The following NDST3 variants were observed in gnomAD, a reference collection of about 807,000 sequenced individuals.
NDST3 encodes the protein bifunctional heparan sulfate N-deacetylase/N-sulfotransferase 3.
In NDST3, 58 loss-of-function variants were observed where a neutral mutation model predicts 96.1. The ratio of observed to expected loss-of-function variants is 0.60; its 90% confidence interval spans 0.49 to 0.75. The LOEUF (loss-of-function observed/expected upper bound fraction) is 0.75. Ranked by LOEUF, NDST3 falls within the 30% of genes least tolerant of loss-of-function variation. The probability of loss-of-function intolerance (pLI) is 0.00; values close to 1 mark genes in which losing one functional copy is unlikely to be tolerated. For missense variants in NDST3, 788 were observed against 1,034.2 expected, an observed-to-expected ratio of 0.76 and a Z score of 3.27; for synonymous variants, 333 against 359.7, an observed-to-expected ratio of 0.93 and a Z score of 0.84.
At chr4:118,069,832 T>G (rs1344751782) in intron 2 of NDST3, among the ~76,000 whole-genome samples, 4 of 149,894 alleles carry the variant, frequency 2.7e-5, no homozygotes, top group Non-Finnish European at 5.9e-5. Flanking sequence ...ATTTTTCCTC[T>G]TATTTCACAC....
At chr4:118,252,103 A>C (rs1169300229) in intron 12 of NDST3, among the ~76,000 whole-genome samples, 10 of 152,244 alleles carry the variant, frequency 6.6e-5, no homozygotes, top group Non-Finnish European at 1.5e-5. Flanking sequence ...AGGCAAAAGA[A>C]AAACGTTATC....
intron 2 of NDST3, among the ~76,000 whole-genome samples, chr4:118,082,507 T>C (rs908907958): frequency 1.1e-4 from 16 of 152,174 alleles, no homozygotes; most frequent in African/African-American, 3.9e-4. Flanking sequence ...ACTCTAAGCT[T>C]AGGGAAACCA....
chr4:118,103,816 AG>A (rs1177432700), intron 2 of NDST3, among the ~76,000 whole-genome samples: 1 of 152,202 alleles, frequency 6.6e-6, no homozygotes, highest in Non-Finnish European at 1.5e-5. Flanking sequence ...CACACCAAAA[AG>A]CTTGCTTATG....
At chr4:118,115,807 A>G (rs922979022) in intron 4 of NDST3, among the ~76,000 whole-genome samples, 3 of 152,176 alleles carry the variant, frequency 2.0e-5, no homozygotes, top group Admixed American at 2.0e-4. Context: ...TATACAAGAC[A>G]AGGTTAGAAT....
chr4:118,206,835 C>T (rs1043898578), intron 6 of NDST3, among the ~76,000 whole-genome samples: 3 of 143,848 alleles, frequency 2.1e-5, no homozygotes, highest in African/African-American at 7.7e-5. Context: ...ACATTACAAA[C>T]GCACATACCA....
chr4:118,186,417 C>CGT (rs896044841), intron 6 of NDST3, among the ~76,000 whole-genome samples: 6 of 152,072 alleles, frequency 3.9e-5, no homozygotes, highest in Admixed American at 1.3e-4. Context: ...CACAATAGGC[C>CGT]GTCTGCAAGC....
intron 6 of NDST3, among the ~76,000 whole-genome samples, chr4:118,170,228 A>T (rs1735844579): frequency 6.6e-6 from 1 of 152,208 alleles, no homozygotes; most frequent in Admixed American, 6.5e-5. Flanking sequence ...ACAATGAGGC[A>T]GTTGGGGAAA....
rs541382287 is a variant in NDST3, at chr4:118,101,217, G to T, written c.982-3801G>T. Among the ~76,000 whole-genome samples the T allele has an allele frequency of 9.0e-4, 136 of 151,636 alleles. 2 individuals are homozygous for T. Among genetic ancestry groups the T allele is most frequent in the African/African-American group, 3.1e-3 (128 of 41,394 alleles). On this transcript the variant is annotated intron_variant, in intron 2 of 13. Transcript: ENST00000296499. ...TCAATTTCTGCCTCTTCATCTATTT[G>T]ATTTATTCTGCTAACAAAAGTTAGA...
intron 2 of NDST3, among the ~76,000 whole-genome samples, chr4:118,097,651 G>A (rs955642672): frequency 6.6e-6 from 1 of 151,794 alleles, no homozygotes; most frequent in Non-Finnish European, 1.5e-5. Flanking sequence ...AGCACTGATA[G>A]GAAATGCTTT....
chr4:118,044,917 C>G (rs1724674755), intron 1 of NDST3, among the ~76,000 whole-genome samples: 1 of 152,022 alleles, frequency 6.6e-6, no homozygotes, highest in Admixed American at 6.6e-5. Context: ...TTCATGAGGG[C>G]AGACCCCTCA....
At chr4:118,115,440 A>G (rs945846207) in intron 4 of NDST3, among the ~76,000 whole-genome samples, 3 of 152,198 alleles carry the variant, frequency 2.0e-5, no homozygotes, top group African/African-American at 7.2e-5. Context: ...ATAAGAATAA[A>G]TCTTCGGGAT....
intron 2 of NDST3, among the ~76,000 whole-genome samples, chr4:118,085,811 G>A (rs2125824026): frequency 6.6e-6 from 1 of 152,282 alleles, no homozygotes; most frequent in South Asian, 2.1e-4. Flanking sequence ...ACAAAGCCAT[G>A]AAATGAAGAA....
chr4:118,134,074 G>A (rs2125893623), intron 4 of NDST3, among the ~76,000 whole-genome samples: 2 of 152,340 alleles, frequency 1.3e-5, no homozygotes, highest in Admixed American at 1.3e-4. Context: ...GCACTTGTCA[G>A]TAAAGTCTTC....
intron 6 of NDST3, among the ~76,000 whole-genome samples, chr4:118,202,000 A>G (rs1041453266): frequency 8.5e-5 from 13 of 152,178 alleles, no homozygotes; most frequent in African/African-American, 3.1e-4. Context: ...ATTCTTCTGC[A>G]TACGGCTAAC....
chr4:118,197,776 G>GT (rs1271236528), intron 6 of NDST3, among the ~76,000 whole-genome samples: 6 of 142,086 alleles, frequency 4.2e-5, no homozygotes, highest in Non-Finnish European at 9.3e-5. Context: ...GTTTTGTTTT[G>GT]TTTTTTGTTT....
At chr4:118,158,027 A>G (rs1734830739) in intron 6 of NDST3, among the ~76,000 whole-genome samples, 1 of 152,182 alleles carries the variant, frequency 6.6e-6, no homozygotes, top group African/African-American at 2.4e-5. Flanking sequence ...AAATAAATGA[A>G]TATATTGATG....
intron 1 of NDST3, 104 bp from the exon 2 acceptor site, chr4:118,053,652 G>C: frequency 2.9e-6 from 1 of 343,880 alleles, no homozygotes; most frequent in East Asian, 5.3e-5. Context: ...CTATACACCA[G>C]TTCATCTGCC....
At chr4:118,075,961 T>C (rs1229827690) in intron 2 of NDST3, among the ~76,000 whole-genome samples, 1 of 152,230 alleles carries the variant, frequency 6.6e-6, no homozygotes, top group South Asian at 2.1e-4. Flanking sequence ...GTTTTAGTCA[T>C]GAAGTTAAGG....
At chr4:118,231,860 C>A (rs1024197088) in intron 8 of NDST3, among the ~76,000 whole-genome samples, 1 of 152,208 alleles carries the variant, frequency 6.6e-6, no homozygotes, top group Non-Finnish European at 1.5e-5. Context: ...GACTAAGCTA[C>A]ACCCTTTATC....
Sources: gnomAD v4.1 joint callset for allele counts (sites outside exome capture counted in the v4.1 genomes callset) on GRCh38, gnomAD v4.1.1 for gene constraint, MANE v1.5 for transcripts, NCBI Gene and HGNC (gene_info 2026-07-23, HGNC 2026-07-21) for gene names.